SEMA5A: variants seen among roughly 807,000 people sequenced by gnomAD.
The protein encoded by SEMA5A is semaphorin-5A.
Under a neutral mutation model 135.5 loss-of-function variants are expected in SEMA5A, and 55 were observed. The ratio of observed to expected loss-of-function variants is 0.41; its 90% CI spans 0.33 to 0.51. The LOEUF (loss-of-function observed/expected upper bound fraction) is 0.51, where lower values mean the gene tolerates loss of function less well. Ranked by LOEUF, SEMA5A falls within the 20% of genes least tolerant of loss-of-function variation. The pLI is 0.37. For synonymous variants in SEMA5A, 580 were observed against 546.5 expected (o/e 1.06, Z -0.85); for missense variants, 1,290 against 1,419.9 (o/e 0.91, Z 1.47).
rs1387544011 is a variant in SEMA5A, at chr5:9,459,539, GA to G, written c.-174-21688del. Among the ~76,000 whole-genome samples, 3 of 152,160 alleles carry G rather than the reference GA, an allele frequency of 2.0e-5. No individual in the cohort carries two copies. The East Asian group carries it at 5.8e-4, about 29-fold the overall frequency. On this transcript the variant is annotated intron_variant, in intron 1 of 22. Transcript: ENST00000382496. ...AACAAATTCTGCCTACAGCCCAAGT[GA>G]ACCCTGAAGCAGATCCTTCCCCAGC... is the stretch of plus-strand genomic sequence containing the variant.
At chr5:9,301,405 G>C (rs1751604637) in intron 5 of SEMA5A, among the ~76,000 whole-genome samples, 1 of 152,144 alleles carries the variant, frequency 6.6e-6, no homozygotes, top group Non-Finnish European at 1.5e-5. Flanking sequence ...AGCCCTTCAG[G>C]CTCTCTGGCA....
At chr5:9,180,421 A>C (rs1001676448) in intron 11 of SEMA5A, among the ~76,000 whole-genome samples, 1 of 152,184 alleles carries the variant, frequency 6.6e-6, no homozygotes, top group Admixed American at 6.5e-5. Context: ...GGAGCCCCTT[A>C]CATAAAGAAG....
chr5:9,060,333 G>A (rs1336655852), intron 18 of SEMA5A, among the ~76,000 whole-genome samples: 3 of 152,298 alleles, frequency 2.0e-5, no homozygotes, highest in Non-Finnish European at 4.4e-5. Flanking sequence ...TGAGATGAGT[G>A]GTGACCCTTT....
intron 1 of SEMA5A, among the ~76,000 whole-genome samples, chr5:9,541,442 C>T (rs908501926): frequency 6.6e-6 from 1 of 152,076 alleles, no homozygotes; most frequent in African/African-American, 2.4e-5. Flanking sequence ...GATTAGTGGG[C>T]TCATGACCTT....
intron 8 of SEMA5A, among the ~76,000 whole-genome samples, chr5:9,220,322 C>G (rs568365444): frequency 6.6e-6 from 1 of 151,834 alleles, no homozygotes; most frequent in African/African-American, 2.4e-5. Context: ...TCCATGTAAC[C>G]AAAAACCACC....
rs1012961019 is a variant in SEMA5A at position 9,110,685 on chromosome 5, C to A, written c.1926-2398G>T. On this transcript the variant is annotated intron_variant, in intron 15 of 22. Transcript: ENST00000382496. ...GGGGGTGAAGGAGCCTCCGGAGAGTCAAGAACCAACTGGGCAAGCAGTTTA... is the reference window on the plus strand; with the variant it reads ...GGGGGTGAAGGAGCCTCCGGAGAGTAAAGAACCAACTGGGCAAGCAGTTTA... 6.0e-4 allele frequency among the ~76,000 whole-genome samples: 91 copies of A among 152,136 alleles called. 3 individuals are homozygous for A. Among genetic ancestry groups the A allele is most frequent in the Non-Finnish European group, 2.9e-5 (2 of 68,032 alleles).
intron 4 of SEMA5A, among the ~76,000 whole-genome samples, chr5:9,318,933 T>G (rs1752507222): frequency 6.6e-6 from 1 of 152,186 alleles, no homozygotes; most frequent in Admixed American, 6.6e-5. Flanking sequence ...GCATGGTGGT[T>G]CACACCTGTA....
intron 7 of SEMA5A, among the ~76,000 whole-genome samples, chr5:9,225,586 AT>A (rs1252923179): frequency 6.8e-6 from 1 of 147,928 alleles, no homozygotes; most frequent in Non-Finnish European, 1.5e-5. Flanking sequence ...AAAAAAAAAA[AT>A]TATGTATAAT....
At chr5:9,259,416 G>A (rs1456354296) in intron 5 of SEMA5A, among the ~76,000 whole-genome samples, 1 of 151,884 alleles carries the variant, frequency 6.6e-6, no homozygotes, top group African/African-American at 2.4e-5. Context: ...TGGTCTGAGA[G>A]ATAGTTTGTT....
At chr5:9,076,680 AT>A (rs1465748606) in intron 16 of SEMA5A, among the ~76,000 whole-genome samples, 3 of 152,226 alleles carry the variant, frequency 2.0e-5, no homozygotes, top group African/African-American at 7.2e-5. Context: ...ATATAGTAAA[AT>A]CATCGTAATT....
At chr5:9,452,763 T>C (rs1758693637) in intron 1 of SEMA5A, among the ~76,000 whole-genome samples, 1 of 152,164 alleles carries the variant, frequency 6.6e-6, no homozygotes, top group African/African-American at 2.4e-5. Context: ...CTGAAGAAGC[T>C]ATTTATTACA....
At chr5:9,527,392 C>A (rs1737195078) in intron 1 of SEMA5A, among the ~76,000 whole-genome samples, 1 of 152,150 alleles carries the variant, frequency 6.6e-6, no homozygotes, top group Non-Finnish European at 1.5e-5. Flanking sequence ...TTCTTTTTTC[C>A]TACCATCAAG....
chr5:9,289,283 A>G (rs1750953574), intron 5 of SEMA5A, among the ~76,000 whole-genome samples: 1 of 152,252 alleles, frequency 6.6e-6, no homozygotes, highest in South Asian at 2.1e-4. Flanking sequence ...GTCTGATTTA[A>G]CAAAACTTTT....
chr5:9,285,453 T>C lies in SEMA5A; in HGVS notation c.270+32919A>G, dbSNP rs546519806. ...AGAGCCCTTCCTCCCCAAAGAAACA[T>C]GGGATTGACAAGAAACTCTTTAGTC... On this transcript the variant is annotated intron_variant, in intron 5 of 22. Coordinates refer to ENST00000382496, the MANE Select transcript of SEMA5A (RefSeq NM_003966.3). 3.9e-5 allele frequency among the ~76,000 whole-genome samples: 6 copies of C among 152,304 alleles called. 1 individual carries two copies. The South Asian group carries it at 1.2e-3, about 32-fold the overall frequency.
chr5:9,259,317 G>T (rs1313689936), intron 5 of SEMA5A, among the ~76,000 whole-genome samples: 1 of 152,110 alleles, frequency 6.6e-6, no homozygotes, highest in Non-Finnish European at 1.5e-5. Context: ...TTCACTTTGG[G>T]GGAGATTTAA....
At chr5:9,348,689 C>T (rs932455123) in intron 3 of SEMA5A, among the ~76,000 whole-genome samples, 5 of 152,176 alleles carry the variant, frequency 3.3e-5, no homozygotes, top group Admixed American at 2.0e-4. Flanking sequence ...GTTAATATGA[C>T]TAAAATTACA....
chr5:9,131,945 A>C (rs76754757), intron 13 of SEMA5A, among the ~76,000 whole-genome samples: 1 of 152,186 alleles, frequency 6.6e-6, no homozygotes, highest in Admixed American at 6.5e-5. Context: ...GTAGATTCCT[A>C]AGACTATGCT....
intron 5 of SEMA5A, among the ~76,000 whole-genome samples, chr5:9,310,612 A>T (rs975711174): frequency 1.3e-5 from 2 of 151,808 alleles, no homozygotes; most frequent in African/African-American, 4.8e-5. Context: ...TCATGCTTTA[A>T]ATTATACAGA....
intron 1 of SEMA5A, among the ~76,000 whole-genome samples, chr5:9,532,334 C>T (rs895065227): frequency 2.6e-5 from 4 of 151,114 alleles, no homozygotes; most frequent in South Asian, 2.1e-4. Context: ...GGTGTGATCT[C>T]GGCTCACTGC....
Sources: gnomAD v4.1 joint callset for allele counts (sites outside exome capture counted in the v4.1 genomes callset) on GRCh38, gnomAD v4.1.1 for gene constraint, MANE v1.5 for transcripts, NCBI Gene and HGNC (gene_info 2026-07-23, HGNC 2026-07-21) for gene names.